ABCC10: variants seen among roughly 807,000 people sequenced by gnomAD.
ABCC10 encodes the protein ATP-binding cassette sub-family C member 10.
Under a neutral mutation model 143.2 loss-of-function variants are expected in ABCC10, and 110 were observed. That is an observed-to-expected ratio of 0.77 (90% CI 0.66 to 0.90). The LOEUF (loss-of-function observed/expected upper bound fraction) is 0.90. Among genes scored for constraint, ABCC10 ranks in the 40% least tolerant of loss-of-function variants. The pLI, the probability that ABCC10 is intolerant of heterozygous loss-of-function variation, is 0.00. For missense variants in ABCC10, 1,700 were observed against 1,900.5 expected, an observed-to-expected ratio of 0.89 and a Z score of 1.96; for synonymous variants, 805 against 846.7, an observed-to-expected ratio of 0.95 and a Z score of 0.85.
In ABCC10 at chr6:43,447,875, C is replaced by T; in HGVS notation, c.3897C>T (p.Pro1299=). Residue 1299 remains proline, a synonymous_variant, in exon 18 of 22, where the codon CCC becomes CCT. Coordinates refer to ENST00000372530, the MANE Select transcript of ABCC10 (RefSeq NM_001198934.2). ...LLLVLFRLLE[P]SSGRVLLDGV... is the part of the protein sequence containing the mutation. ...TGGTGCTCTTCCGGCTGCTAGAGCC[C>T]AGTTCAGGGCGAGTGCTGCTGGACG... is the stretch of plus-strand genomic sequence containing the variant. 1 of 1,613,954 alleles carries T rather than the reference C, an allele frequency of 6.2e-7. No homozygotes were observed. Among genetic ancestry groups the T allele is most frequent in the South Asian group, 1.1e-5 (1 of 91,080 alleles).
chr6:43,431,777 C>T (rs1781162750), intron 2 of ABCC10: 1 of 1,080,984 alleles, frequency 9.3e-7, no homozygotes, highest in African/African-American at 1.7e-5. Context: ...ACCAAAGTAG[C>T]AAACGTAGTA....
chr6:43,449,602 T>G, intron 21 of ABCC10, 68 bp downstream of exon 21: 1 of 1,340,762 alleles, frequency 7.5e-7, no homozygotes, highest in Non-Finnish European at 1.0e-6. Context: ...CTCCGTTGCT[T>G]TCAGGGACCC....
At chr6:43,442,427 T>C (rs1286258729) in intron 9 of ABCC10, among the ~76,000 whole-genome samples, 1 of 152,144 alleles carries the variant, frequency 6.6e-6, no homozygotes, top group Non-Finnish European at 1.5e-5. Context: ...AAAAATTAGC[T>C]GGGCATAGTG....
intron 8 of ABCC10, among the ~76,000 whole-genome samples, chr6:43,440,171 G>A (rs934162054): frequency 1.3e-5 from 2 of 150,526 alleles, no homozygotes. Context: ...TGCCCAGGCT[G>A]GTCTCGAACT....
Position 43,433,181 on chromosome 6 carries a change from G to A in ABCC10, c.1201G>A (p.Ala401Thr), listed in dbSNP as rs1249030514. The A allele has an allele frequency of 1.9e-6, 3 of 1,614,130 alleles. No individual in the cohort carries two copies. The highest frequency in any genetic ancestry group is 2.5e-6 in the Non-Finnish European group (3 of 1,179,972). The change falls in exon 3 of 22, where the codon GCC becomes ACC. Residue 401 changes from alanine to threonine, a missense_variant. By Grantham distance (58) the Ala-to-Thr change is moderately conservative. Coordinates refer to ENST00000372530, the MANE Select transcript of ABCC10 (RefSeq NM_001198934.2). ...TAACTTTGCTGGGAGCTTCCATGAA[G>A]CCTGGGGCCTGCCCCTGCAACTGGC... is the stretch of plus-strand genomic sequence containing the variant. ...LLNFAGSFHE[A>T]WGLPLQLAIT... is the part of the protein sequence containing the mutation.
chr6:43,448,512 G>A (rs189068729), intron 18 of ABCC10, among the ~76,000 whole-genome samples: 1 of 152,308 alleles, frequency 6.6e-6, no homozygotes, highest in Admixed American at 6.5e-5. Context: ...CAACCTTGAA[G>A]TGTCACCTGC....
Position 43,433,147 on chromosome 6 carries a change from A to G in ABCC10, c.1167A>G (p.Glu389=). 6.2e-7 allele frequency: 1 copy of G among 1,614,048 alleles called. No homozygotes were observed. ...TGAACCTACTAGGCACTGACTCTGA[A>G]CGGCTGCTTAACTTTGCTGGGAGCT... The part of the protein sequence containing the change: ...EALNLLGTDS[E]RLLNFAGSFH... Residue 389 remains glutamate (E), a synonymous_variant, in exon 3 of 22, where the codon GAA becomes GAG. Coordinates refer to ENST00000372530, the MANE Select transcript of ABCC10 (RefSeq NM_001198934.2).
At chr6:43,434,451 G>A (rs2127387285) in intron 3 of ABCC10, 170 bp from the exon 4 acceptor site, 1 of 631,846 alleles carries the variant, frequency 1.6e-6, no homozygotes, top group Non-Finnish European at 2.7e-6. Context: ...TTGAAGGGCA[G>A]GATTTCCAGA....
downstream of ABCC10, chr6:43,451,865 A>T (rs565997060): frequency 1.9e-6 from 3 of 1,571,270 alleles, no homozygotes; most frequent in African/African-American, 4.0e-5. This position sits in a 1 kb window ranked among gnomAD's most constrained non-coding sequence, Gnocchi z 4.4. Flanking sequence ...CCCTCCCAAC[A>T]GTCCTGCCTC....
chr6:43,428,636 C>T (rs1780756247), intron 2 of ABCC10, among the ~76,000 whole-genome samples: 1 of 152,192 alleles, frequency 6.6e-6, no homozygotes, highest in Admixed American at 6.5e-5. Context: ...AGAGCAAAAT[C>T]AAACATTAAG....
intron 21 of ABCC10, 42 bp downstream of exon 21, chr6:43,449,576 A>G: frequency 6.5e-7 from 1 of 1,532,754 alleles, no homozygotes; most frequent in Non-Finnish European, 9.0e-7. Flanking sequence ...GGACTGTGGT[A>G]GCATGCACCG....
chr6:43,432,068 T>G, intron 2 of ABCC10, 74 bp from the exon 3 acceptor site: 1 of 1,563,740 alleles, frequency 6.4e-7, no homozygotes. Flanking sequence ...GTAAGTGAAT[T>G]ATTGGAGGTG....
At chr6:43,431,996 G>T in intron 2 of ABCC10, 146 bp from the exon 3 acceptor site, 1 of 1,444,860 alleles carries the variant, frequency 6.9e-7, no homozygotes, top group Non-Finnish European at 9.1e-7. Flanking sequence ...AAGACCCTGG[G>T]TTCTGAGGTA....
chr6:43,448,000 G>C, intron 18 of ABCC10, 63 bp downstream of exon 18: 1 of 1,593,744 alleles, frequency 6.3e-7, no homozygotes, highest in Non-Finnish European at 8.5e-7. Flanking sequence ...TTAGAGGAGG[G>C]CATAGCCAGG....
In ABCC10 at chr6:43,428,109, T is replaced by C. The variant is rs1297964320; in HGVS notation, c.131T>C (p.Val44Ala). ...GCCCTGCCCCACGCGCTCCTCGCCG[T>C]GCTCAGTGCCTGTTACTTGGGCACC... Reference protein sequence around the residue: ...LSALPHALLAVLSACYLGTPR... With the variant: ...LSALPHALLAALSACYLGTPR... Residue 44 changes from valine (V) to alanine (A), a missense_variant, in exon 2 of 22, where the codon GTG becomes GCG. Transcript: ENST00000372530. The C allele has an allele frequency of 1.3e-6, 2 of 1,548,338 alleles. No homozygotes were observed. The highest frequency in any genetic ancestry group is 2.0e-5 in the Admixed American group (1 of 51,212).
chr6:43,436,281 G>C, intron 6 of ABCC10, 34 bp downstream of exon 6: 1 of 1,603,612 alleles, frequency 6.2e-7, no homozygotes, highest in African/African-American at 1.3e-5. Context: ...AGAGTCCTCA[G>C]ACTAACGAGA....
downstream of ABCC10, chr6:43,450,544 G>GTGC (rs1562210406): frequency 6.4e-7 from 1 of 1,557,184 alleles, no homozygotes; most frequent in Admixed American, 1.8e-5. The surrounding 1 kb of genome is among the most constrained non-coding windows in gnomAD (Gnocchi z 4.5). Context: ...CTCCATCACA[G>GTGC]TGCTGTGGTC....
In ABCC10 at chr6:43,449,165, G is replaced by A; in HGVS notation, c.4164G>A (p.Gln1388=). ...GGRSLSLGQR[Q]LLCLARALLT... is the part of the protein sequence containing the mutation. Reference sequence around the variant, plus strand: ...GGAGCTTATCTCTTGGGCAGAGGCAGCTGTTGTGTTTGGCCAGGGCTCTCC... The same window carrying A: ...GGAGCTTATCTCTTGGGCAGAGGCAACTGTTGTGTTTGGCCAGGGCTCTCC... The change falls in exon 20 of 22, where the codon CAG becomes CAA. Residue 1388 remains glutamine (Q), a synonymous_variant. Coordinates refer to ENST00000372530, the MANE Select transcript of ABCC10 (RefSeq NM_001198934.2). The A allele has an allele frequency of 6.2e-7, 1 of 1,614,192 alleles. No individual in the cohort carries two copies. Among genetic ancestry groups the A allele is most frequent in the Non-Finnish European group, 8.5e-7 (1 of 1,180,012 alleles).
Position 43,432,622 on chromosome 6 carries a change from T to C in ABCC10, c.642T>C (p.Ala214=), listed in dbSNP as rs141145411. The change falls in exon 3 of 22, where the codon GCT becomes GCC. Residue 214 remains alanine, a synonymous_variant. Transcript: ENST00000372530. The part of the protein sequence containing the change: ...LLPEDQEPEV[A]EDGESWLSRF... Reference sequence around the variant, plus strand: ...CCGAGGATCAAGAACCTGAGGTGGCTGAAGATGGGGAGAGTTGGCTGTCAC... The same window carrying C: ...CCGAGGATCAAGAACCTGAGGTGGCCGAAGATGGGGAGAGTTGGCTGTCAC... 1.7e-5 allele frequency: 27 copies of C among 1,613,798 alleles called. No individual in the cohort carries two copies. Among genetic ancestry groups the C allele is most frequent in the African/African-American group, 4.0e-5 (3 of 74,938 alleles).
Sources: allele counts gnomAD v4.1 joint callset (sites outside exome capture counted in the v4.1 genomes callset), GRCh38; gene constraint gnomAD v4.1.1; non-coding constraint Gnocchi (gnomAD v3.1); transcripts MANE v1.5; gene names NCBI Gene and HGNC (gene_info 2026-07-23, HGNC 2026-07-21).